BBS9: variants seen among roughly 807,000 people sequenced by gnomAD.
BBS9 encodes Bardet-Biedl syndrome 9, also known as protein PTHB1.
A neutral mutation model predicts 117.7 loss-of-function variants in BBS9; 89 were observed. The ratio of observed to expected loss-of-function variants is 0.76; its 90% CI spans 0.64 to 0.90. The LOEUF is 0.90. BBS9 is among the 40% of genes least tolerant of loss of function. The pLI, the probability that BBS9 is intolerant of heterozygous loss-of-function variation, is 0.00. For synonymous variants in BBS9, 379 were observed against 370.9 expected (o/e 1.02, Z -0.25); for missense variants, 982 against 1,042.2 (o/e 0.94, Z 0.80).
At chr7:33,474,560 G>A (rs1019777636) in intron 19 of BBS9, among the ~76,000 whole-genome samples, 1 of 152,160 alleles carries the variant, frequency 6.6e-6, no homozygotes, top group African/African-American at 2.4e-5. Context: ...CGAGATGGCT[G>A]CTGCAGTTCT....
chr7:33,178,332 G>A (rs2076097460), intron 5 of BBS9, among the ~76,000 whole-genome samples: 1 of 152,162 alleles, frequency 6.6e-6, no homozygotes, highest in Non-Finnish European at 1.5e-5. Context: ...GTGAGACTGG[G>A]TTCCTCCCAC....
intron 19 of BBS9, among the ~76,000 whole-genome samples, chr7:33,432,398 C>T (rs1299672836): frequency 3.3e-5 from 5 of 151,662 alleles, no homozygotes; most frequent in East Asian, 1.9e-4. Context: ...CATGAGCCAC[C>T]GCGCCCAGCT....
chr7:33,203,911 C>T (rs1165993085), intron 5 of BBS9, among the ~76,000 whole-genome samples: 4 of 150,362 alleles, frequency 2.7e-5, no homozygotes, highest in South Asian at 2.1e-4. Flanking sequence ...TTAGTAGAGA[C>T]GGGGTTTCAC....
At chr7:33,512,419 A>G (rs73688888) in intron 20 of BBS9, among the ~76,000 whole-genome samples, 2,091 of 152,342 alleles carry the variant, frequency 0.014, 52 homozygotes, top group African/African-American at 0.048. Context: ...GAGACTAAAA[A>G]AACAAATAAA....
At chr7:33,280,511 C>T (rs943966955) in intron 9 of BBS9, among the ~76,000 whole-genome samples, 1 of 152,148 alleles carries the variant, frequency 6.6e-6, no homozygotes. Flanking sequence ...ATAAATAAGC[C>T]TTTCCTGCTT....
chr7:33,501,918 C>CTT (rs35871405), intron 19 of BBS9, among the ~76,000 whole-genome samples: 19 of 147,854 alleles, frequency 1.3e-4, no homozygotes, highest in East Asian at 6.0e-4. Context: ...AATATCTATT[C>CTT]TTTTTTTTTT....
chr7:33,470,149 T>G (rs1563219012), intron 19 of BBS9, among the ~76,000 whole-genome samples: 1 of 152,182 alleles, frequency 6.6e-6, no homozygotes. Flanking sequence ...CCTCAAGAAG[T>G]GCTTATTGTA....
In BBS9 at chr7:33,444,997, C is replaced by T. The variant is rs1295237156; in HGVS notation, c.2115+56853C>T. 2.0e-5 allele frequency among the ~76,000 whole-genome samples: 3 copies of T among 152,188 alleles called. No homozygotes were observed. The East Asian group carries it at 5.8e-4, about 29-fold the overall frequency. ...CAGCTGTCTAGGGAAGTTGGGAGGGCAGAGTGCATCTTTCCCCGCATTTAG... is the reference window on the plus strand; with the variant it reads ...CAGCTGTCTAGGGAAGTTGGGAGGGTAGAGTGCATCTTTCCCCGCATTTAG... On this transcript the variant is annotated intron_variant, in intron 19 of 22. Coordinates refer to ENST00000242067, the MANE Select transcript of BBS9 (RefSeq NM_198428.3).
chr7:33,238,513 C>T (rs1562856635), intron 5 of BBS9, among the ~76,000 whole-genome samples: 2 of 152,000 alleles, frequency 1.3e-5, no homozygotes, highest in Non-Finnish European at 2.9e-5. Flanking sequence ...AGGCTGGTCT[C>T]GAACTCCCAA....
intron 5 of BBS9, among the ~76,000 whole-genome samples, chr7:33,212,467 C>G (rs552583457): frequency 1.3e-5 from 2 of 152,250 alleles, no homozygotes; most frequent in Non-Finnish European, 1.5e-5. Context: ...TGAATTCCTT[C>G]TCTGTGTTAT....
chr7:33,193,231 TC>T (rs1270310386), intron 5 of BBS9, among the ~76,000 whole-genome samples: 1 of 152,200 alleles, frequency 6.6e-6, no homozygotes, highest in Non-Finnish European at 1.5e-5. Context: ...TTATTTGGGT[TC>T]TTTTTTTTGT....
chr7:33,485,561 G>A (rs189069757), intron 19 of BBS9, among the ~76,000 whole-genome samples: 6 of 152,006 alleles, frequency 3.9e-5, no homozygotes, highest in Non-Finnish European at 8.8e-5. Context: ...CACCTGCCTC[G>A]GCTTCCCAAA....
chr7:33,182,593 C>T (rs1029933196), intron 5 of BBS9, among the ~76,000 whole-genome samples: 3 of 152,018 alleles, frequency 2.0e-5, no homozygotes, highest in Admixed American at 1.3e-4. Context: ...TTTTTATTTC[C>T]CAAAGATTAC....
intron 21 of BBS9, among the ~76,000 whole-genome samples, chr7:33,547,129 G>T (rs762948362): frequency 1.3e-5 from 2 of 152,098 alleles, no homozygotes; most frequent in Admixed American, 6.6e-5. Flanking sequence ...GACAGCTACA[G>T]AGCTATAGTT....
chr7:33,145,025 A>G (rs1206145688), intron 1 of BBS9, among the ~76,000 whole-genome samples: 6 of 152,240 alleles, frequency 3.9e-5, no homozygotes, highest in Non-Finnish European at 8.8e-5. Context: ...ATATTAAATA[A>G]GGTATCTTTA....
At chr7:33,472,787 C>G (rs1841237507) in intron 19 of BBS9, among the ~76,000 whole-genome samples, 2 of 152,216 alleles carry the variant, frequency 1.3e-5, no homozygotes, top group South Asian at 4.1e-4. Flanking sequence ...CTCAACCACC[C>G]TTACTTTTTT....
chr7:33,606,072 G>A (rs1864538461), downstream of BBS9: 1 of 152,040 alleles, frequency 6.6e-6, no homozygotes, highest in African/African-American at 2.4e-5. Flanking sequence ...GCCAGTTTTG[G>A]AATGCCTCTC....
chr7:33,293,967 C>T (rs1804628781), intron 9 of BBS9, among the ~76,000 whole-genome samples: 1 of 152,036 alleles, frequency 6.6e-6, no homozygotes, highest in Non-Finnish European at 1.5e-5. Context: ...CTCAGTGGAG[C>T]ACAAGTTATA....
intron 20 of BBS9, among the ~76,000 whole-genome samples, chr7:33,530,501 T>G (rs961811346): frequency 2.0e-5 from 3 of 152,234 alleles, no homozygotes; most frequent in Non-Finnish European, 4.4e-5. Context: ...TGCCAAATTA[T>G]ATTCAAAGGA....
Sources: gnomAD v4.1 joint callset for allele counts (sites outside exome capture counted in the v4.1 genomes callset) on GRCh38, gnomAD v4.1.1 for gene constraint, MANE v1.5 for transcripts, NCBI Gene and HGNC (gene_info 2026-07-23, HGNC 2026-07-21) for gene names.